The following TBC1D2B variants were observed in gnomAD, a reference collection of about 807,000 sequenced individuals.
The protein encoded by TBC1D2B is TBC1 domain family member 2B.
TBC1D2B carries 64 observed loss-of-function variants against 100.8 expected under a neutral mutation model. The observed-to-expected ratio is 0.64, with a 90% CI of 0.52 to 0.78. TBC1D2B has a LOEUF of 0.78. Ranked by LOEUF, TBC1D2B falls within the 30% of genes least tolerant of loss-of-function variation. The probability of loss-of-function intolerance (pLI) is 0.00; values close to 1 mark genes in which losing one functional copy is unlikely to be tolerated. For synonymous variants in TBC1D2B, 480 were observed against 479.7 expected (o/e 1.00, Z -0.01); for missense variants, 1,052 against 1,218.4 (o/e 0.86, Z 2.03).
chr15:78,063,553 G>C (rs1435042039), intron 1 of TBC1D2B, among the ~76,000 whole-genome samples: 1 of 152,214 alleles, frequency 6.6e-6, no homozygotes, highest in African/African-American at 2.4e-5. Context: ...CCCCACATCA[G>C]TAGAGAAGGT....
chr15:78,009,945 G>A (rs1236388637), intron 9 of TBC1D2B, among the ~76,000 whole-genome samples: 3 of 149,972 alleles, frequency 2.0e-5, no homozygotes, highest in South Asian at 2.1e-4. Flanking sequence ...ACTGCACTCC[G>A]GCCTGGGCGA....
At chr15:78,005,740 A>T in intron 10 of TBC1D2B, among the ~76,000 whole-genome samples, 1 of 152,332 alleles carries the variant, frequency 6.6e-6, no homozygotes, top group Non-Finnish European at 1.5e-5. Context: ...CAGTTGGTAG[A>T]ATAACAGGCA....
At chr15:78,073,491 C>T (rs2073771812) in intron 1 of TBC1D2B, among the ~76,000 whole-genome samples, 1 of 152,122 alleles carries the variant, frequency 6.6e-6, no homozygotes, top group Admixed American at 6.6e-5. Flanking sequence ...AACTTAAAAT[C>T]CTTAGAAATC....
intron 2 of TBC1D2B, among the ~76,000 whole-genome samples, chr15:78,048,600 T>C (rs985573609): frequency 6.6e-6 from 1 of 152,214 alleles, no homozygotes; most frequent in African/African-American, 2.4e-5. Flanking sequence ...TCTGAGGGAG[T>C]TTCCGACTGC....
At chr15:78,065,295 A>G in intron 1 of TBC1D2B, among the ~76,000 whole-genome samples, 1 of 152,260 alleles carries the variant, frequency 6.6e-6, no homozygotes, top group Non-Finnish European at 1.5e-5. Flanking sequence ...TAGGGCCTAC[A>G]ACTAGAACAA....
At chr15:78,043,462 C>T (rs1237699255) in intron 3 of TBC1D2B, among the ~76,000 whole-genome samples, 2 of 152,052 alleles carry the variant, frequency 1.3e-5, no homozygotes, top group East Asian at 1.9e-4. Context: ...TGCAGTGATG[C>T]GAACTCAGCT....
At chr15:78,009,469 G>T (rs1055741946) in intron 9 of TBC1D2B, among the ~76,000 whole-genome samples, 1 of 152,022 alleles carries the variant, frequency 6.6e-6, no homozygotes, top group Admixed American at 6.5e-5. Context: ...GAGCCCAGGA[G>T]GTGGAGGCTA....
chr15:78,057,695 C>T (rs2073455836), intron 1 of TBC1D2B, among the ~76,000 whole-genome samples: 1 of 152,122 alleles, frequency 6.6e-6, no homozygotes, highest in Non-Finnish European at 1.5e-5. Context: ...CTTCAATCCC[C>T]AATTAGCTAG....
At chr15:78,052,350 A>T (rs2073331008) in intron 2 of TBC1D2B, among the ~76,000 whole-genome samples, 1 of 151,580 alleles carries the variant, frequency 6.6e-6, no homozygotes, top group South Asian at 2.1e-4. Context: ...CATTTCTCTC[A>T]TTTTTTCTCT....
rs751203755 is a variant in TBC1D2B at position 78,003,516 on chromosome 15, T to C, written c.2389-26A>G. ...CTGGAGAGGGAACAAAGGGGAGAAG[T>C]GTATCAGGCCTGCCAGGTCACCGGG... On this transcript the variant is annotated intron_variant, in intron 10 of 12. Coordinates refer to ENST00000300584, the MANE Select transcript of TBC1D2B (RefSeq NM_144572.2). 4.4e-6 allele frequency: 7 copies of C among 1,584,462 alleles called. No homozygotes were observed. The South Asian group carries it at 7.8e-5, about 18-fold the overall frequency.
chr15:78,001,051 G>C (rs966893480), intron 12 of TBC1D2B, among the ~76,000 whole-genome samples: 1 of 152,200 alleles, frequency 6.6e-6, no homozygotes, highest in African/African-American at 2.4e-5. Context: ...GCCCAGCTCT[G>C]CTATGGCCCA....
intron 3 of TBC1D2B, among the ~76,000 whole-genome samples, chr15:78,038,042 C>A (rs1375174576): frequency 6.6e-6 from 1 of 152,082 alleles, no homozygotes; most frequent in Non-Finnish European, 1.5e-5. Flanking sequence ...GGCAGACCCC[C>A]CCACGAGTAT....
At chr15:78,064,253 C>T (rs553635773) in intron 1 of TBC1D2B, among the ~76,000 whole-genome samples, 5 of 152,166 alleles carry the variant, frequency 3.3e-5, no homozygotes, top group African/African-American at 1.2e-4. Context: ...TCCTCCAACA[C>T]GCTCTATGTG....
chr15:78,018,869 G>A (rs1245763417), intron 6 of TBC1D2B, among the ~76,000 whole-genome samples: 2 of 152,068 alleles, frequency 1.3e-5, no homozygotes, highest in African/African-American at 2.4e-5. Context: ...ATACTAAACC[G>A]AATCACCTCT....
rs1335567389 is a variant in TBC1D2B, at chr15:77,996,655, T to C, written c.*1505A>G. 1.3e-5 allele frequency: 2 copies of C among 152,264 alleles called. No homozygotes were observed. The highest frequency in any genetic ancestry group is 6.5e-5 in the Admixed American group (1 of 15,286). 9.4% of individuals were successfully genotyped at this position (152,264 alleles called of 1,614,324 possible). On this transcript the variant is annotated 3_prime_UTR_variant, in exon 13 of 13. Transcript: ENST00000300584. ...AAAGACACGAAGCCGGAGCTCACTC[T>C]AGCATGTGCTGAAACACCAACTTTG...
At chr15:78,060,708 G>A (rs2073525882) in intron 1 of TBC1D2B, among the ~76,000 whole-genome samples, 1 of 152,130 alleles carries the variant, frequency 6.6e-6, no homozygotes, top group Admixed American at 6.5e-5. Context: ...CCTGAAGTCA[G>A]AAGTTCGAGA....
intron 1 of TBC1D2B, among the ~76,000 whole-genome samples, chr15:78,060,998 C>A (rs754784593): frequency 1.3e-5 from 2 of 151,548 alleles, no homozygotes; most frequent in Non-Finnish European, 2.9e-5. Flanking sequence ...GTAATCCCAG[C>A]ACTACGGGAG....
At chr15:78,024,740 T>C (rs1267226756) in intron 5 of TBC1D2B, among the ~76,000 whole-genome samples, 1 of 152,156 alleles carries the variant, frequency 6.6e-6, no homozygotes, top group African/African-American at 2.4e-5. Context: ...AGACTGTCTG[T>C]AGAGAACAGT....
chr15:78,026,210 T>C (rs2072665356), intron 4 of TBC1D2B, among the ~76,000 whole-genome samples: 1 of 152,066 alleles, frequency 6.6e-6, no homozygotes, highest in African/African-American at 2.4e-5. Flanking sequence ...CCAAAGTTTA[T>C]GTGTTAGAAA....
Sources: gnomAD v4.1 joint callset for allele counts (sites outside exome capture counted in the v4.1 genomes callset) on GRCh38, gnomAD v4.1.1 for gene constraint, MANE v1.5 for transcripts, NCBI Gene and HGNC (gene_info 2026-07-23, HGNC 2026-07-21) for gene names.